The following KCNT2 variants were observed in gnomAD, a reference collection of about 807,000 sequenced individuals.
The protein encoded by KCNT2 is potassium channel subfamily T member 2.
In KCNT2, 67 loss-of-function variants were observed where a neutral mutation model predicts 153.8. The observed-to-expected ratio is 0.44, with a 90% CI of 0.36 to 0.53. KCNT2 has a LOEUF of 0.53. Among genes scored for constraint, KCNT2 ranks in the 20% least tolerant of loss-of-function variants. The pLI is 0.00. For missense variants in KCNT2, 975 were observed against 1,354.8 expected (o/e 0.72, Z 4.40); for synonymous variants, 500 against 458.8 (o/e 1.09, Z -1.15).
chr1:196,492,747 T>C (rs1679952352), intron 1 of KCNT2, among the ~76,000 whole-genome samples: 1 of 152,162 alleles, frequency 6.6e-6, no homozygotes, highest in Non-Finnish European at 1.5e-5. Context: ...AAGAATTAAC[T>C]GACGTTTGAA....
At chr1:196,477,512 C>T (rs767492172) in intron 5 of KCNT2, among the ~76,000 whole-genome samples, 36 of 152,010 alleles carry the variant, frequency 2.4e-4, no homozygotes, top group Non-Finnish European at 3.5e-4. Context: ...TGAACCCAGG[C>T]GGAGTTGAAG....
intron 20 of KCNT2, 109 bp downstream of exon 20, chr1:196,319,375 T>A: frequency 1.7e-6 from 1 of 580,188 alleles, no homozygotes; most frequent in Non-Finnish European, 3.1e-6. Context: ...TATATCATAT[T>A]TGCAATACTG....
intron 8 of KCNT2, among the ~76,000 whole-genome samples, chr1:196,437,372 A>T (rs1013477540): frequency 7.2e-6 from 1 of 139,102 alleles, no homozygotes. Flanking sequence ...ATTTATATAT[A>T]TTTTTATTTA....
intron 1 of KCNT2, among the ~76,000 whole-genome samples, chr1:196,601,042 T>C (rs1018445280): frequency 6.6e-6 from 1 of 152,214 alleles, no homozygotes; most frequent in Non-Finnish European, 1.5e-5. Context: ...AAGCCACATG[T>C]AAAGCCTAGT....
intron 8 of KCNT2, among the ~76,000 whole-genome samples, chr1:196,451,407 A>ACTTTTTT (rs1491122191): frequency 2.9e-3 from 182 of 62,860 alleles, no homozygotes; most frequent in Non-Finnish European, 4.5e-3. Context: ...CACCCAACAC[A>ACTTTTTT]TTTTTTTTTT....
At chr1:196,361,204 GACAC>G (rs34251987) in intron 14 of KCNT2, among the ~76,000 whole-genome samples, 9 of 149,160 alleles carry the variant, frequency 6.0e-5, no homozygotes, top group African/African-American at 2.2e-4. Flanking sequence ...ACAGACACCA[GACAC>G]ACACACACAC....
At chr1:196,472,450 C>T (rs983033113) in intron 5 of KCNT2, among the ~76,000 whole-genome samples, 2 of 152,196 alleles carry the variant, frequency 1.3e-5, no homozygotes, top group Middle Eastern at 3.4e-3. Context: ...TAATTTCATC[C>T]ATGTTTCAGC....
intron 21 of KCNT2, among the ~76,000 whole-genome samples, chr1:196,315,378 A>T (rs142990063): frequency 2.0e-5 from 3 of 151,808 alleles, no homozygotes; most frequent in Non-Finnish European, 4.4e-5. Flanking sequence ...GGGGATTCAT[A>T]TCCCCATTAA....
chr1:196,354,667 A>C (rs938701585), intron 14 of KCNT2, among the ~76,000 whole-genome samples: 1 of 151,776 alleles, frequency 6.6e-6, no homozygotes, highest in Admixed American at 6.6e-5. Context: ...ATTTTGAAGA[A>C]GATAAGAAAA....
intron 8 of KCNT2, among the ~76,000 whole-genome samples, chr1:196,442,219 G>A (rs746557364): frequency 2.6e-5 from 4 of 151,700 alleles, no homozygotes; most frequent in Non-Finnish European, 4.4e-5. Flanking sequence ...GTAAATAAAG[G>A]CAACCTGGTA....
chr1:196,591,438 T>C (rs1663352287), intron 1 of KCNT2, among the ~76,000 whole-genome samples: 1 of 152,008 alleles, frequency 6.6e-6, no homozygotes, highest in Non-Finnish European at 1.5e-5. Context: ...ACTAACACAC[T>C]TGTCATATAC....
At position 196,280,842 on chromosome 1, in the gene KCNT2, A is replaced by G. The variant is rs1659024521; in HGVS notation, c.2910+18T>C. 5 of 1,605,584 alleles carry G rather than the reference A, an allele frequency of 3.1e-6. No homozygotes were observed. The East Asian group carries it at 1.1e-4, about 36-fold the overall frequency. On this transcript the variant is annotated intron_variant, in intron 25 of 27. Coordinates refer to ENST00000294725, the MANE Select transcript of KCNT2 (RefSeq NM_198503.5). ...TCAGATTAAACATCAAAACAAGAAT[A>G]TTTTGTTATTTCCAAACCTCAGATG...
At chr1:196,264,941 G>A (rs904463651) in intron 25 of KCNT2, among the ~76,000 whole-genome samples, 3 of 152,104 alleles carry the variant, frequency 2.0e-5, no homozygotes, top group African/African-American at 7.2e-5. Context: ...CAGCCCCAAT[G>A]CTTAATCGTG....
At chr1:196,518,467 C>A (rs1476276015) in intron 1 of KCNT2, among the ~76,000 whole-genome samples, 4 of 112,756 alleles carry the variant, frequency 3.5e-5, no homozygotes, top group Admixed American at 1.1e-4. Context: ...TACAAAGTGG[C>A]AAGCTGGATT....
chr1:196,544,954 T>G (rs1656885199), intron 1 of KCNT2, among the ~76,000 whole-genome samples: 1 of 152,100 alleles, frequency 6.6e-6, no homozygotes, highest in Admixed American at 6.6e-5. Context: ...AATAAAAAGT[T>G]TGGATTTAAA....
intron 25 of KCNT2, among the ~76,000 whole-genome samples, chr1:196,272,585 C>T (rs991872188): frequency 6.6e-6 from 1 of 151,946 alleles, no homozygotes; most frequent in East Asian, 1.9e-4. Context: ...GGAATTAGAA[C>T]AGATAGAGCT....
intron 3 of KCNT2, among the ~76,000 whole-genome samples, chr1:196,487,673 G>A (rs1355451560): frequency 6.6e-6 from 1 of 151,940 alleles, no homozygotes; most frequent in Non-Finnish European, 1.5e-5. Context: ...AAATATTTAA[G>A]AGCTATTGTA....
intron 1 of KCNT2, among the ~76,000 whole-genome samples, chr1:196,597,298 A>G (rs1441001231): frequency 6.6e-6 from 1 of 152,106 alleles, no homozygotes; most frequent in Admixed American, 6.6e-5. Context: ...GGAAGATTAC[A>G]TGAAAGACTG....
chr1:196,353,939 T>C (rs1666963440), intron 14 of KCNT2, among the ~76,000 whole-genome samples: 1 of 151,922 alleles, frequency 6.6e-6, no homozygotes, highest in Non-Finnish European at 1.5e-5. Flanking sequence ...CTTAATATGT[T>C]GCATACTCTG....
Sources: gnomAD v4.1 joint callset for allele counts (sites outside exome capture counted in the v4.1 genomes callset) on GRCh38, gnomAD v4.1.1 for gene constraint, MANE v1.5 for transcripts, NCBI Gene and HGNC (gene_info 2026-07-23, HGNC 2026-07-21) for gene names.